Variants in SEL1L3 observed in about 807,000 individuals in gnomAD.
The protein encoded by SEL1L3 is SEL1L family member 3, also known as protein sel-1 homolog 3.
Under a neutral mutation model 142.8 loss-of-function variants are expected in SEL1L3, and 76 were observed. That is an observed-to-expected ratio of 0.53 (90% confidence interval 0.44 to 0.64). SEL1L3 has a LOEUF of 0.64. Among genes scored for constraint, SEL1L3 ranks in the 30% least tolerant of loss-of-function variants. SEL1L3 has a pLI of 0.00. For synonymous variants in SEL1L3, 504 were observed against 519.6 expected, an observed-to-expected ratio of 0.97 and a Z score of 0.41; for missense variants, 1,262 against 1,381.7, an observed-to-expected ratio of 0.91 and a Z score of 1.37.
At chr4:25,741,920 T>C in the SEL1L3 span, among the ~76,000 whole-genome samples, 1 of 152,010 alleles carries the variant, frequency 6.6e-6, no homozygotes, top group South Asian at 2.1e-4. Flanking sequence ...GTGAGTCTCC[T>C]GCCTCAGCCT....
intron 9 of SEL1L3, among the ~76,000 whole-genome samples, chr4:25,807,748 C>T (rs1292341733): frequency 2.0e-5 from 3 of 152,052 alleles, no homozygotes; most frequent in African/African-American, 7.3e-5. Flanking sequence ...CACGGAACCC[C>T]AGAAATCATT....
At chr4:25,717,587 A>G in the SEL1L3 span, among the ~76,000 whole-genome samples, 26 of 152,072 alleles carry the variant, frequency 1.7e-4, no homozygotes, top group Non-Finnish European at 2.5e-4. Flanking sequence ...AATCACTTGA[A>G]CCCGGGAGGT....
chr4:25,853,359 T>G (rs1315332551), intron 1 of SEL1L3, among the ~76,000 whole-genome samples: 1 of 152,246 alleles, frequency 6.6e-6, no homozygotes, highest in African/African-American at 2.4e-5. Flanking sequence ...TGAAGATTAT[T>G]TCATTTTCAC....
chr4:25,814,917 G>A (rs575282523), intron 9 of SEL1L3, among the ~76,000 whole-genome samples: 39 of 152,264 alleles, frequency 2.6e-4, no homozygotes, highest in Non-Finnish European at 3.2e-4. Context: ...CAGGTAGAGA[G>A]ATGACCTTAA....
At chr4:25,861,941 C>G (rs1277063347) in intron 1 of SEL1L3, 1 of 152,202 alleles carries the variant, frequency 6.6e-6, no homozygotes, top group African/African-American at 2.4e-5. Flanking sequence ...GGTTACTGCC[C>G]TTTAGTTGAT....
chr4:25,822,550 T>G (rs1259498517), intron 6 of SEL1L3, among the ~76,000 whole-genome samples: 1 of 152,210 alleles, frequency 6.6e-6, no homozygotes, highest in Non-Finnish European at 1.5e-5. Flanking sequence ...TTGGAAATAT[T>G]TTGCTTTAAA....
At chr4:25,781,940 C>A (rs201052891) in intron 15 of SEL1L3, among the ~76,000 whole-genome samples, 4 of 152,194 alleles carry the variant, frequency 2.6e-5, no homozygotes, top group Non-Finnish European at 4.4e-5. Flanking sequence ...TCCTGTCCTG[C>A]GTCATCTCCC....
chr4:25,756,206 C>G, intron 23 of SEL1L3: 1 of 985,358 alleles, frequency 1.0e-6, no homozygotes, highest in Non-Finnish European at 1.2e-6. Flanking sequence ...TCTCTGTTTG[C>G]CTTCATGAGT....
the SEL1L3 span, among the ~76,000 whole-genome samples, chr4:25,740,156 G>A: frequency 1.3e-5 from 2 of 151,546 alleles, no homozygotes; most frequent in South Asian, 2.1e-4. Context: ...CCTAGTGGCC[G>A]GGCATGGTGG....
intron 23 of SEL1L3, among the ~76,000 whole-genome samples, chr4:25,753,562 T>C (rs569092466): frequency 3.1e-4 from 47 of 152,358 alleles, no homozygotes; most frequent in Non-Finnish European, 5.7e-4. Context: ...AGACACCAAA[T>C]GGTAGAAACT....
intron 15 of SEL1L3, among the ~76,000 whole-genome samples, chr4:25,780,691 C>T (rs370668635): frequency 4.7e-4 from 70 of 148,906 alleles, no homozygotes; most frequent in African/African-American, 1.6e-3. Flanking sequence ...ATTTCCCAAT[C>T]TCCACCCCCT....
chr4:25,756,760 CCT>C (rs1717989650), intron 23 of SEL1L3: 2 of 1,154,556 alleles, frequency 1.7e-6, no homozygotes, highest in Non-Finnish European at 2.2e-6. Flanking sequence ...TCAGTCCCTC[CCT>C]CTGAGTCCGT....
chr4:25,757,907 C>A (rs771370592), intron 21 of SEL1L3, 117 bp from the exon 22 acceptor site: 24 of 697,882 alleles, frequency 3.4e-5, no homozygotes, highest in Admixed American at 1.9e-4. Context: ...AATGAGCACA[C>A]TCAACTGACA....
In SEL1L3 at chr4:25,780,438, C is replaced by T. The variant is rs1405732765; in HGVS notation, c.2458-1235G>A. Among the ~76,000 whole-genome samples the T allele has an allele frequency of 6.6e-5, 10 of 152,056 alleles. No homozygotes were observed. In the East Asian group the frequency reaches 7.7e-4, roughly 12 times the overall value. ...AGCAGAAACTGAGTCTCAGACTGGT[C>T]GGCTTCCTCCCTGGTCCTATCTCCC... On this transcript the variant is annotated intron_variant, in intron 15 of 23. Transcript: ENST00000399878.
chr4:25,850,858 T>G (rs1452542396), intron 1 of SEL1L3, among the ~76,000 whole-genome samples: 4 of 145,602 alleles, frequency 2.7e-5, no homozygotes, highest in African/African-American at 2.5e-5. Flanking sequence ...TGTTTGTTTG[T>G]TTTTTTTTTT....
At chr4:25,819,115 T>C (rs1055466337) in intron 8 of SEL1L3, among the ~76,000 whole-genome samples, 1 of 152,214 alleles carries the variant, frequency 6.6e-6, no homozygotes, top group African/African-American at 2.4e-5. Context: ...AGTGCCACCA[T>C]ATCAAACAGC....
At chr4:25,773,450 A>G (rs1719378467) in intron 17 of SEL1L3, 1 of 152,182 alleles carries the variant, frequency 6.6e-6, no homozygotes, top group Non-Finnish European at 1.5e-5. Flanking sequence ...TATATACTTC[A>G]TACATATCAA....
intron 11 of SEL1L3, among the ~76,000 whole-genome samples, chr4:25,799,160 C>T (rs1030428674): frequency 8.5e-5 from 13 of 152,106 alleles, no homozygotes; most frequent in Non-Finnish European, 1.3e-4. Flanking sequence ...CTACAGCCTC[C>T]GCCTCCTAGG....
chr4:25,816,955 A>G (rs2309349), intron 9 of SEL1L3, among the ~76,000 whole-genome samples: 38,624 of 152,078 alleles, frequency 0.25, 6,055 homozygotes, highest in Admixed American at 0.34. Flanking sequence ...TCCAGGTAGA[A>G]CTGACCACTC....
Sources: gnomAD v4.1 joint callset for allele counts (sites outside exome capture counted in the v4.1 genomes callset) on GRCh38, gnomAD v4.1.1 for gene constraint, MANE v1.5 for transcripts, NCBI Gene and HGNC (gene_info 2026-07-23, HGNC 2026-07-21) for gene names.